CACNA1F: variants seen among roughly 807,000 people sequenced by gnomAD.
CACNA1F encodes the protein voltage-dependent L-type calcium channel subunit alpha-1F.
In CACNA1F, 59 loss-of-function variants were observed where a neutral mutation model predicts 143.8. That is an observed-to-expected ratio of 0.41 (90% CI 0.33 to 0.51). The LOEUF is 0.51. Among genes scored for constraint, CACNA1F ranks in the 20% least tolerant of loss-of-function variants. The pLI is 0.22. For synonymous variants in CACNA1F, 643 were observed against 649.1 expected, an observed-to-expected ratio of 0.99 and a Z score of 0.14; for missense variants, 1,411 against 1,647.5, an observed-to-expected ratio of 0.86 and a Z score of 2.48.
At chrX:49,229,611 G>C (rs1050085312) in intron 6 of CACNA1F, among the ~76,000 whole-genome samples, 1 of 105,344 alleles carries the variant, frequency 9.5e-6, no homozygotes, top group African/African-American at 3.5e-5. Context: ...AAGGCGCAGA[G>C]TTTTTGTTTT....
In CACNA1F at chrX:49,210,061, TG is replaced by T. The variant is rs1191120522; in HGVS notation, c.4589-20del. The T allele has an allele frequency of 9.0e-7, 1 of 1,116,808 alleles. No homozygotes were observed. The allele number at this position is 1,116,808 out of a possible 1,213,427, so 92.0% of individuals were successfully genotyped here. A position where few individuals can be genotyped will look rare whatever the true frequency, so the allele number is the denominator to read the frequency against. Reference sequence around the variant, plus strand: ...AGGTTCCCTGCGTTGGAGGAGGATGTGGGGCATGAGCCAATAGGAAGAACCT... The same window carrying T: ...AGGTTCCCTGCGTTGGAGGAGGATGTGGGCATGAGCCAATAGGAAGAACCT... On this transcript the variant is annotated intron_variant, in intron 39 of 47. Transcript: ENST00000323022.
In CACNA1F at chrX:49,210,326, C is replaced by G; in HGVS notation, c.4563G>C (p.Arg1521=). The G allele has an allele frequency of 8.3e-7, 1 of 1,206,697 alleles. No individual in the cohort carries two copies. Among genetic ancestry groups the G allele is most frequent in the African/African-American group, 1.7e-5 (1 of 57,697 alleles). The change falls in exon 39 of 48, where the codon CGG becomes CGC. Residue 1521 remains arginine, a synonymous_variant. Transcript: ENST00000323022. Reference sequence around the variant, plus strand: ...CTTCTGTTTTGATCTTCAGGGATGTCCGGACCAGGGCAAAGAGTGTGGCGT... The same window carrying G: ...CTTCTGTTTTGATCTTCAGGGATGTGCGGACCAGGGCAAAGAGTGTGGCGT... ...TFNATLFALV[R]TSLKIKTEGN...
chrX:49,215,569 G>A (rs782247806), intron 27 of CACNA1F, 26 bp from the exon 28 acceptor site: 3 of 908,365 alleles, frequency 3.3e-6, no homozygotes, highest in East Asian at 6.4e-5. Context: ...GGGGGGTAGA[G>A]GTGGGGGCAG....
At chrX:49,212,839 C>G in intron 32 of CACNA1F, 44 bp from the exon 33 acceptor site, 1 of 1,197,855 alleles carries the variant, frequency 8.3e-7, no homozygotes, top group East Asian at 3.0e-5. Context: ...TGCATTTACT[C>G]CAGCTATCTC....
In CACNA1F at chrX:49,212,963, G is replaced by C; in HGVS notation, c.3813+11C>G. ...AAGAAGCAGAGAGTCCCTGTTATTA[G>C]GGTGGGCTACCTCGCCAAGGTGGCC... is the stretch of plus-strand genomic sequence containing the variant. On this transcript the variant is annotated intron_variant, in intron 32 of 47. Coordinates refer to ENST00000323022, the MANE Select transcript of CACNA1F (RefSeq NM_001256789.3). The C allele has an allele frequency of 8.3e-7, 1 of 1,202,565 alleles. No homozygotes were observed. Among genetic ancestry groups the C allele is most frequent in the African/African-American group, 1.7e-5 (1 of 57,584 alleles).
rs782589846 is a variant in CACNA1F at position 49,217,794 on chromosome X, G to T, written c.3050C>A (p.Thr1017Asn). The change falls in exon 26 of 48, where the codon ACC becomes AAC. Residue 1017 changes from threonine (T) to asparagine (N), a missense_variant. By Grantham distance (65) the Thr-to-Asn change is moderately conservative (BLOSUM62 0). Coordinates refer to ENST00000323022, the MANE Select transcript of CACNA1F (RefSeq NM_001256789.3). ...GGTGTGTTTGGCCTCGTCCGTGCAG[G>T]TGTAGAATTTCCCCTGTAGAGAGGA... is the stretch of plus-strand genomic sequence containing the variant. ...GVQLFKGKFYTCTDEAKHTPQ... is the reference protein window; with the variant it reads ...GVQLFKGKFYNCTDEAKHTPQ... 6 of 1,209,331 alleles carry T rather than the reference G, an allele frequency of 5.0e-6. No homozygotes were observed. In the South Asian group the frequency reaches 7.0e-5, roughly 14 times the overall value.
intron 22 of CACNA1F, 55 bp from the exon 23 acceptor site, chrX:49,218,790 A>T: frequency 1.1e-4 from 8 of 71,400 alleles, no homozygotes; most frequent in Non-Finnish European, 2.1e-4. Flanking sequence ...GGGTTGGGGG[A>T]GGTGGGGATG....
intron 21 of CACNA1F, 84 bp downstream of exon 21, chrX:49,219,237 T>G (rs2065750333): frequency 9.6e-7 from 1 of 1,045,742 alleles, no homozygotes; most frequent in Non-Finnish European, 1.3e-6. Context: ...CTCTTCTCCT[T>G]ATCTCCACCC....
chrX:49,210,098 C>A (rs1490117020), intron 39 of CACNA1F, 56 bp from the exon 40 acceptor site: 6 of 888,973 alleles, frequency 6.7e-6, no homozygotes, highest in Non-Finnish European at 1.0e-5. Flanking sequence ...CCACAGCTGC[C>A]CCCTCACTGT....
intron 17 of CACNA1F, among the ~76,000 whole-genome samples, chrX:49,221,924 A>G (rs1341756693): frequency 9.1e-6 from 1 of 109,468 alleles, no homozygotes; most frequent in Non-Finnish European, 1.9e-5. Flanking sequence ...CGGAGGTTGC[A>G]GTGAGCTGAG....
intron 14 of CACNA1F, among the ~76,000 whole-genome samples, chrX:49,223,863 C>T (rs986074569): frequency 2.3e-4 from 25 of 107,680 alleles, no homozygotes; most frequent in Non-Finnish European, 4.6e-4. Context: ...TCCCGAGTAG[C>T]TGGGACTACA....
At chrX:49,216,074 A>C (rs1436592694) in intron 27 of CACNA1F, among the ~76,000 whole-genome samples, 1 of 108,583 alleles carries the variant, frequency 9.2e-6, no homozygotes, top group African/African-American at 3.4e-5. Flanking sequence ...TCAGACCTCC[A>C]CTCTGTCCCC....
chrX:49,228,783 G>T (rs1434373922), intron 6 of CACNA1F, among the ~76,000 whole-genome samples: 1 of 112,218 alleles, frequency 8.9e-6, no homozygotes, highest in African/African-American at 3.2e-5. Context: ...TGGTCAGGTT[G>T]GTCTCGAACT....
In CACNA1F at chrX:49,215,069, A is replaced by G. The variant is rs782080198; in HGVS notation, c.3597+17T>C. 9 of 1,201,983 alleles carry G rather than the reference A, an allele frequency of 7.5e-6. No individual in the cohort carries two copies. The East Asian group carries it at 2.4e-4, about 32-fold the overall frequency. On this transcript the variant is annotated intron_variant, in intron 29 of 47. Coordinates refer to ENST00000323022, the MANE Select transcript of CACNA1F (RefSeq NM_001256789.3). ...TAGGGTCAGGAGTCTGGCGGGGGTC[A>G]GGCAGGGATCTCAGACCTGCATGGC...
At chrX:49,213,779 T>C in intron 31 of CACNA1F, 40 bp downstream of exon 31, 1 of 973,133 alleles carries the variant, frequency 1.0e-6, no homozygotes, top group Non-Finnish European at 1.5e-6. Context: ...AGGGAAGGTG[T>C]ATAGGGCGAG....
At position 49,212,230 on chromosome X, in the gene CACNA1F, G is replaced by T. The variant is rs1557106395; in HGVS notation, c.4008+13C>A. 3 of 1,192,821 alleles carry T rather than the reference G, an allele frequency of 2.5e-6. No homozygotes were observed. On this transcript the variant is annotated intron_variant, in intron 34 of 47. Coordinates refer to ENST00000323022, the MANE Select transcript of CACNA1F (RefSeq NM_001256789.3). ...GGAGTGCTTAAGGGATGCTTCCTAGGGTCCCCACTTGCCTGCATGCCAATG... is the reference window on the plus strand; with the variant it reads ...GGAGTGCTTAAGGGATGCTTCCTAGTGTCCCCACTTGCCTGCATGCCAATG...
In CACNA1F at chrX:49,223,618, A is replaced by AAAAG. The variant is rs1399389646; in HGVS notation, c.1878-483_1878-482insCTTT. On this transcript the variant is annotated intron_variant, in intron 14 of 47. Transcript: ENST00000323022. ...CTCAAAAAAAAAAAAAAAAAAAAAA[A>AAAAG]AAGAAGAAGAAGTAAAGAGGTAGGG... Among the ~76,000 whole-genome samples the AAAAG allele has an allele frequency of 9.4e-3, 944 of 100,338 alleles. 95 individuals carry two copies. The highest frequency in any genetic ancestry group is 0.036 in the African/African-American group (909 of 25,050). 87.1% of individuals were successfully genotyped at this position (100,338 alleles called of 115,157 possible). A position where few individuals can be genotyped will look rare whatever the true frequency, so the allele number is the denominator to read the frequency against.
rs149284900 is a variant in CACNA1F at position 49,217,714 on chromosome X, G to A, written c.3089+41C>T. On this transcript the variant is annotated intron_variant, in intron 26 of 47. Coordinates refer to ENST00000323022, the MANE Select transcript of CACNA1F (RefSeq NM_001256789.3). ...CTAGAGGCTCTAAAGTCTTTGGGAG[G>A]GGTCCTGAGCTCCGTGGACGGCAGG... The A allele has an allele frequency of 1.4e-3, 1,615 of 1,124,325 alleles. 27 individuals carry two copies. The East Asian group carries it at 0.043, about 30-fold the overall frequency. The allele number at this position is 1,124,325 out of a possible 1,213,427, so 92.7% of individuals were successfully genotyped here.
Position 49,205,317 on chromosome X carries a change from C to T in CACNA1F, c.5721G>A (p.Val1907=), listed in dbSNP as rs781989357. Reference sequence around the variant, plus strand: ...CTGCAATCTCCTGCTTGGCCAGGGCCACGAAACGTGGGTCTCGAGCAAAGA... The same window carrying T: ...CTGCAATCTCCTGCTTGGCCAGGGCTACGAAACGTGGGTCTCGAGCAAAGA... The part of the protein sequence containing the change: ...LGLFARDPRF[V]ALAKQEIADA... Residue 1907 remains valine (V), a synonymous_variant, in exon 48 of 48, where the codon GTG becomes GTA. Coordinates refer to ENST00000323022, the MANE Select transcript of CACNA1F (RefSeq NM_001256789.3). 5.8e-6 allele frequency: 7 copies of T among 1,206,982 alleles called. No homozygotes were observed. In the East Asian group the frequency reaches 1.2e-4, roughly 21 times the overall value.
Sources: gnomAD v4.1 joint callset for allele counts (sites outside exome capture counted in the v4.1 genomes callset) on GRCh38, gnomAD v4.1.1 for gene constraint, MANE v1.5 for transcripts, NCBI Gene and HGNC (gene_info 2026-07-23, HGNC 2026-07-21) for gene names.